TRMT11: variants seen among roughly 807,000 people sequenced by gnomAD.
TRMT11 encodes tRNA (guanine(10)-N(2))-methyltransferase TRMT11.
TRMT11 carries 53 observed loss-of-function variants against 62.8 expected under a neutral mutation model. That is an observed-to-expected ratio of 0.84 (90% CI 0.68 to 1.06). TRMT11 has a LOEUF of 1.06. Among genes scored for constraint, TRMT11 ranks in the 50% least tolerant of loss-of-function variants. The pLI, the probability that TRMT11 is intolerant of heterozygous loss-of-function variation, is 0.00. For synonymous variants in TRMT11, 188 were observed against 190.3 expected, an observed-to-expected ratio of 0.99 and a Z score of 0.10; for missense variants, 556 against 553.4, an observed-to-expected ratio of 1.00 and a Z score of -0.05.
At chr6:126,191,361 C>A (rs111833401) in intron 1 of TRMT11, among the ~76,000 whole-genome samples, 3,931 of 151,642 alleles carry the variant, frequency 0.026, 181 homozygotes, top group African/African-American at 0.09. Context: ...TGATAGATAG[C>A]TAGCTTACAA....
At chr6:126,113,457 A>G (rs1777553920) in intron 18 of TRMT11, among the ~76,000 whole-genome samples, 1 of 152,064 alleles carries the variant, frequency 6.6e-6, no homozygotes, top group Non-Finnish European at 1.5e-5. Flanking sequence ...GATCTGACTC[A>G]CCTTTCTCAC....
At chr6:126,085,757 G>A (rs1777210699) in intron 17 of TRMT11, among the ~76,000 whole-genome samples, 1 of 152,158 alleles carries the variant, frequency 6.6e-6, no homozygotes, top group Non-Finnish European at 1.5e-5. Context: ...ATACTATCAT[G>A]ATAGATATAT....
chr6:126,184,016 C>A (rs1285272072), intron 1 of TRMT11, among the ~76,000 whole-genome samples: 1 of 152,026 alleles, frequency 6.6e-6, no homozygotes, highest in East Asian at 1.9e-4. Flanking sequence ...TTGAAAATGA[C>A]TAATAATAAT....
chr6:126,071,394 A>G (rs1440153060), intron 17 of TRMT11, among the ~76,000 whole-genome samples: 1 of 148,930 alleles, frequency 6.7e-6, no homozygotes, highest in African/African-American at 2.5e-5. Context: ...CTTTGAGTTT[A>G]TGACATTTTT....
chr6:126,201,215 T>C (rs112942312), intron 3 of TRMT11, among the ~76,000 whole-genome samples: 3,806 of 152,310 alleles, frequency 0.025, 147 homozygotes, highest in African/African-American at 0.086. Context: ...GGAAACAGTT[T>C]TGAATATTGG....
chr6:126,159,109 A>G (rs567658075), intron 21 of TRMT11, among the ~76,000 whole-genome samples: 2 of 152,068 alleles, frequency 1.3e-5, no homozygotes, highest in Non-Finnish European at 2.9e-5. Flanking sequence ...CTCTTGGGAC[A>G]CCTGTAATAC....
At chr6:126,055,087 C>A (rs1471803932) in intron 17 of TRMT11, among the ~76,000 whole-genome samples, 1 of 152,142 alleles carries the variant, frequency 6.6e-6, no homozygotes, top group Non-Finnish European at 1.5e-5. Context: ...GCCTCAACCT[C>A]CTGAGAAGCT....
At chr6:126,018,319 A>G (rs1258867077) in intron 11 of TRMT11, among the ~76,000 whole-genome samples, 8 of 152,158 alleles carry the variant, frequency 5.3e-5, no homozygotes. Context: ...GTTTTTAGTA[A>G]ATGTTCAATC....
intron 17 of TRMT11, among the ~76,000 whole-genome samples, chr6:126,062,268 A>T (rs1001249413): frequency 2.6e-5 from 4 of 152,228 alleles, no homozygotes; most frequent in African/African-American, 9.6e-5. Context: ...TGAGCAAAGG[A>T]ATCGAAATAT....
intron 21 of TRMT11, among the ~76,000 whole-genome samples, chr6:126,162,721 G>A (rs560844697): frequency 6.6e-6 from 1 of 152,140 alleles, no homozygotes; most frequent in East Asian, 1.9e-4. Flanking sequence ...ATTTATTTGT[G>A]TCCTCTCTTA....
intron 12 of TRMT11, among the ~76,000 whole-genome samples, chr6:126,033,226 C>G (rs1774537281): frequency 6.6e-6 from 1 of 152,104 alleles, no homozygotes; most frequent in Non-Finnish European, 1.5e-5. Flanking sequence ...TTATGATGGT[C>G]AGTTTGAGAA....
chr6:125,993,929 A>G (rs762899899), intron 2 of TRMT11, 107 bp downstream of exon 2: 22 of 621,064 alleles, frequency 3.5e-5, no homozygotes, highest in Non-Finnish European at 5.6e-5. Context: ...GGTTACTTGT[A>G]TCTGTTTCAA....
At chr6:126,173,401 T>C (rs1778351855), upstream of TRMT11, among the ~76,000 whole-genome samples, 1 of 152,204 alleles carries the variant, frequency 6.6e-6, no homozygotes, top group African/African-American at 2.4e-5. Context: ...CATAGCTTTC[T>C]GGCATCCTTT....
intron 17 of TRMT11, among the ~76,000 whole-genome samples, chr6:126,088,203 G>A (rs957748535): frequency 6.6e-6 from 1 of 151,916 alleles, no homozygotes; most frequent in African/African-American, 2.4e-5. Flanking sequence ...AAGTTAAATT[G>A]AATTAAATTT....
At chr6:125,989,859 G>A (rs1790313454) in intron 1 of TRMT11, among the ~76,000 whole-genome samples, 1 of 152,164 alleles carries the variant, frequency 6.6e-6, no homozygotes, top group Non-Finnish European at 1.5e-5. Context: ...TGCCAAAACT[G>A]ACTCATTATT....
chr6:126,067,955 C>T (rs185619449), intron 17 of TRMT11, among the ~76,000 whole-genome samples: 5 of 152,226 alleles, frequency 3.3e-5, no homozygotes, highest in Admixed American at 2.6e-4. Context: ...ATACAATTCA[C>T]GCATTTAAAA....
intron 11 of TRMT11, among the ~76,000 whole-genome samples, chr6:126,015,384 G>A (rs975635722): frequency 6.6e-6 from 1 of 151,958 alleles, no homozygotes; most frequent in Non-Finnish European, 1.5e-5. Context: ...CTGCCACTGC[G>A]CCCAGCTAAT....
At chr6:126,142,330 G>T (rs767311829) in intron 21 of TRMT11, among the ~76,000 whole-genome samples, 3 of 152,010 alleles carry the variant, frequency 2.0e-5, no homozygotes, top group Non-Finnish European at 4.4e-5. Flanking sequence ...TCTACCAGAG[G>T]GGGGCACAAA....
At chr6:126,035,879 T>C (rs565333431) in intron 12 of TRMT11, among the ~76,000 whole-genome samples, 1 of 152,236 alleles carries the variant, frequency 6.6e-6, no homozygotes, top group South Asian at 2.1e-4. Context: ...GATAAACTAT[T>C]TTATTAATCC....
Sources: gnomAD v4.1 joint callset for allele counts (sites outside exome capture counted in the v4.1 genomes callset) on GRCh38, gnomAD v4.1.1 for gene constraint, MANE v1.5 for transcripts, NCBI Gene and HGNC (gene_info 2026-07-23, HGNC 2026-07-21) for gene names.